The following ELAVL2 variants were observed in gnomAD, a reference collection of about 807,000 sequenced individuals.
ELAVL2 encodes the protein ELAV like RNA binding protein 2.
Under a neutral mutation model 34.6 loss-of-function variants are expected in ELAVL2, and 4 were observed. The observed-to-expected ratio is 0.12, with a 90% CI of 0.06 to 0.26. The LOEUF (loss-of-function observed/expected upper bound fraction) is 0.26, where lower values mean the gene tolerates loss of function less well. Ranked by LOEUF, ELAVL2 falls within the 10% of genes least tolerant of loss-of-function variation. ELAVL2 has a pLI of 1.00. For synonymous variants in ELAVL2, 193 were observed against 154.8 expected (o/e 1.25, Z -1.83); for missense variants, 432 against 442.8 (o/e 0.98, Z 0.22).
chr9:23,700,363 T>G (rs1220409345), intron 5 of ELAVL2, among the ~76,000 whole-genome samples: 1 of 152,206 alleles, frequency 6.6e-6, no homozygotes, highest in Non-Finnish European at 1.5e-5. Context: ...CTTAACTTCT[T>G]AAAGTCACTG....
At chr9:23,815,596 T>G (rs910234871) in intron 1 of ELAVL2, among the ~76,000 whole-genome samples, 4 of 152,306 alleles carry the variant, frequency 2.6e-5, no homozygotes, top group Middle Eastern at 3.4e-3. Flanking sequence ...TCAAAAAATC[T>G]TGTACTTCAA....
intron 3 of ELAVL2, among the ~76,000 whole-genome samples, chr9:23,715,398 T>C (rs573135908): frequency 1.3e-5 from 2 of 152,220 alleles, no homozygotes; most frequent in Admixed American, 6.5e-5. Flanking sequence ...GCCGCCCGTC[T>C]CGGCCTCCCA....
At chr9:23,788,435 G>C (rs575377423) in intron 1 of ELAVL2, among the ~76,000 whole-genome samples, 2 of 152,224 alleles carry the variant, frequency 1.3e-5, no homozygotes, top group African/African-American at 2.4e-5. Flanking sequence ...ATAGATGCCT[G>C]AAACTTCAGA....
chr9:23,833,319 CAA>C, the ELAVL2 span, among the ~76,000 whole-genome samples: 1 of 151,700 alleles, frequency 6.6e-6, no homozygotes, highest in South Asian at 2.1e-4. Context: ...TGTTAGAAAA[CAA>C]GTTTGAATTA....
chr9:23,762,225 G>C lies in ELAVL2; in HGVS notation c.10C>G (p.Gln4Glu), dbSNP rs2055191484. MET[Q>E]LSNGPTCNNT... ...TTGCAAGTTGGCCCATTAGACAGTT[G>C]TGTTTCCATGGCAGCAATTACCTGC... Residue 4 changes from glutamine (Q) to glutamate (E), a missense_variant, in exon 2 of 7, where the codon CAA becomes GAA. Transcript: ENST00000397312. 1 of 1,613,270 alleles carries C rather than the reference G, an allele frequency of 6.2e-7. No homozygotes were observed. The highest frequency in any genetic ancestry group is 8.5e-7 in the Non-Finnish European group (1 of 1,179,554).
chr9:23,782,857 A>T (rs2136894870), intron 1 of ELAVL2, among the ~76,000 whole-genome samples: 1 of 152,304 alleles, frequency 6.6e-6, no homozygotes, highest in African/African-American at 2.4e-5. Context: ...ATAGCTAAGG[A>T]TGGAGACCCC....
intron 2 of ELAVL2, among the ~76,000 whole-genome samples, chr9:23,757,487 G>A (rs543883041): frequency 6.6e-6 from 1 of 152,114 alleles, no homozygotes; most frequent in African/African-American, 2.4e-5. Context: ...AAAGAAGGGA[G>A]AGGGTTGGTT....
intron 3 of ELAVL2, among the ~76,000 whole-genome samples, chr9:23,710,346 A>C (rs2040587634): frequency 6.6e-6 from 1 of 152,304 alleles, no homozygotes; most frequent in Middle Eastern, 3.4e-3. Flanking sequence ...TGTACATAGC[A>C]ATGTTTAAAA....
At chr9:23,716,699 A>C (rs1157304031) in intron 3 of ELAVL2, among the ~76,000 whole-genome samples, 4 of 152,216 alleles carry the variant, frequency 2.6e-5, no homozygotes, top group African/African-American at 4.8e-5. Context: ...ATAGATGAGA[A>C]AGGAAATGTA....
intron 3 of ELAVL2, among the ~76,000 whole-genome samples, chr9:23,715,373 C>G (rs1297440890): frequency 6.6e-6 from 1 of 152,174 alleles, no homozygotes; most frequent in African/African-American, 2.4e-5. Context: ...TGGTCTTGAT[C>G]TCCTGACCTC....
At chr9:23,775,337 T>G (rs2058019674) in intron 1 of ELAVL2, among the ~76,000 whole-genome samples, 1 of 152,204 alleles carries the variant, frequency 6.6e-6, no homozygotes, top group African/African-American at 2.4e-5. Flanking sequence ...ACCACTGCAC[T>G]CCAGCTTGGG....
chr9:23,826,228 G>T lies in ELAVL2; in HGVS notation c.-438C>A, dbSNP rs1281209407. 6.6e-6 allele frequency: 1 copy of T among 152,274 alleles called. No homozygotes were observed. Among genetic ancestry groups the T allele is most frequent in the Non-Finnish European group, 1.5e-5 (1 of 68,094 alleles). 9.4% of individuals were successfully genotyped at this position (152,274 alleles called of 1,614,324 possible). ...TCTCTAACTAAGAACAGAAATAGGGGGGAGGACGTCTTAAAAGGGAGGTGG... is the reference window on the plus strand; with the variant it reads ...TCTCTAACTAAGAACAGAAATAGGGTGGAGGACGTCTTAAAAGGGAGGTGG... On this transcript the variant is annotated 5_prime_UTR_variant, in exon 1 of 7. Coordinates refer to ENST00000397312, the MANE Select transcript of ELAVL2 (RefSeq NM_004432.5).
intron 1 of ELAVL2, chr9:23,779,233 T>C: frequency 1.0e-6 from 1 of 985,420 alleles, no homozygotes; most frequent in Non-Finnish European, 1.2e-6. Flanking sequence ...ATAAGAGGTC[T>C]TACTTCACAC....
At chr9:23,780,211 A>C in intron 1 of ELAVL2, among the ~76,000 whole-genome samples, 1 of 152,096 alleles carries the variant, frequency 6.6e-6, no homozygotes, top group Non-Finnish European at 1.5e-5. Flanking sequence ...TATTAATAGT[A>C]AATTATAATA....
At chr9:23,836,166 G>C in the ELAVL2 span, among the ~76,000 whole-genome samples, 1 of 152,168 alleles carries the variant, frequency 6.6e-6, no homozygotes, top group African/African-American at 2.4e-5. Context: ...TGTCGTAATA[G>C]AAATAATATT....
intron 1 of ELAVL2, among the ~76,000 whole-genome samples, chr9:23,788,801 A>C (rs2060003262): frequency 6.6e-6 from 1 of 152,204 alleles, no homozygotes; most frequent in Admixed American, 6.5e-5. Flanking sequence ...ATACTAAGGG[A>C]CTAACAGCAT....
intron 3 of ELAVL2, among the ~76,000 whole-genome samples, chr9:23,714,574 T>C (rs1462533172): frequency 6.6e-6 from 1 of 152,216 alleles, no homozygotes; most frequent in African/African-American, 2.4e-5. Context: ...ATCAAGCTGT[T>C]ACATATTAAA....
intron 2 of ELAVL2, among the ~76,000 whole-genome samples, chr9:23,761,212 CCA>C (rs1182453850): frequency 6.6e-6 from 1 of 152,048 alleles, no homozygotes; most frequent in African/African-American, 2.4e-5. Context: ...CATGAAAAGT[CCA>C]CAGAGTCTGT....
At chr9:23,794,378 C>A (rs1588577219) in intron 1 of ELAVL2, among the ~76,000 whole-genome samples, 2 of 152,200 alleles carry the variant, frequency 1.3e-5, no homozygotes, top group East Asian at 3.9e-4. Flanking sequence ...CCACTTTCTA[C>A]AACAGATTGA....
Sources: allele counts gnomAD v4.1 joint callset (sites outside exome capture counted in the v4.1 genomes callset), GRCh38; gene constraint gnomAD v4.1.1; transcripts MANE v1.5; gene names NCBI Gene and HGNC (gene_info 2026-07-23, HGNC 2026-07-21).